Variants in MYOM2 observed in about 807,000 individuals in gnomAD.
MYOM2 encodes myomesin-2.
MYOM2 carries 254 observed loss-of-function variants against 187.6 expected under a neutral mutation model. The ratio of observed to expected loss-of-function variants is 1.35; its 90% confidence interval spans 1.22 to 1.50. The LOEUF is 1.50. MYOM2 is among the 40% of genes most tolerant of loss of function. The pLI, the probability that MYOM2 is intolerant of heterozygous loss-of-function variation, is 0.00. For synonymous variants in MYOM2, 981 were observed against 753.8 expected (o/e 1.30, Z -4.94); for missense variants, 2,796 against 1,924.0 (o/e 1.45, Z -8.48).
intron 32 of MYOM2, among the ~76,000 whole-genome samples, chr8:2,132,754 G>C (rs4363227): frequency 0.22 from 33,800 of 152,002 alleles, 3,908 homozygotes; most frequent in Middle Eastern, 0.27. Context: ...AGAAGTGCAT[G>C]CTTCAAACTC....
chr8:2,067,960 G>C (rs1028480086), intron 6 of MYOM2, among the ~76,000 whole-genome samples: 2 of 152,082 alleles, frequency 1.3e-5, no homozygotes, highest in Non-Finnish European at 2.9e-5. Flanking sequence ...CAGGGAGTTT[G>C]TCACTTAGAA....
Position 2,102,725 on chromosome 8 carries a change from A to G in MYOM2, c.2678A>G (p.Asn893Ser). ...TTCAGGGTCCGGGCAGTCAATGCAA[A>G]TGGCGTGGGGAAGCCCTCAGACACG... is the stretch of plus-strand genomic sequence containing the variant. ...YVFRVRAVNANGVGKPSDTSE... is the reference protein window; with the variant it reads ...YVFRVRAVNASGVGKPSDTSE... The change falls in exon 21 of 37, where the codon AAT becomes AGT. Residue 893 changes from asparagine to serine, a missense_variant. By Grantham distance (46) the Asn-to-Ser change is conservative. Coordinates refer to ENST00000262113, the MANE Select transcript of MYOM2 (RefSeq NM_003970.4). The G allele has an allele frequency of 1.9e-6, 3 of 1,614,120 alleles. No individual in the cohort carries two copies. The highest frequency in any genetic ancestry group is 2.2e-5 in the East Asian group (1 of 44,890).
chr8:2,102,760 G>A lies in MYOM2; in HGVS notation c.2713G>A (p.Val905Met). 1.9e-6 allele frequency: 3 copies of A among 1,613,746 alleles called. No homozygotes were observed. Among genetic ancestry groups the A allele is most frequent in the Non-Finnish European group, 2.5e-6 (3 of 1,179,624 alleles). ...GAAGCCCTCAGACACGTCGGAGCCT[G>A]TGCTGGTAGAGGCGAGACCAGGTAA... ...VGKPSDTSEP[V>M]LVEARPGTKE... The change falls in exon 21 of 37, where the codon GTG (valine) becomes ATG (methionine). Residue 905 changes from valine to methionine, a missense_variant. Physicochemically the swap from Val to Met is conservative, Grantham distance 21 (BLOSUM62 1). Transcript: ENST00000262113.
At chr8:2,100,737 A>G in intron 19 of MYOM2, 139 bp from the exon 20 acceptor site, 2 of 791,062 alleles carry the variant, frequency 2.5e-6, no homozygotes, top group Non-Finnish European at 4.1e-6. Context: ...GAGGCTGATA[A>G]ACATCAGATG....
At chr8:2,109,284 C>T (rs1303637526) in intron 24 of MYOM2, 111 bp from the exon 25 acceptor site, 9 of 1,264,212 alleles carry the variant, frequency 7.1e-6, no homozygotes, top group East Asian at 2.5e-5. Flanking sequence ...TCCAGGGTTT[C>T]ACATTCTCAA....
intron 32 of MYOM2, among the ~76,000 whole-genome samples, chr8:2,134,650 C>A (rs532142770): frequency 5.3e-5 from 8 of 152,264 alleles, no homozygotes; most frequent in African/African-American, 1.7e-4. Context: ...CCTCATTCAG[C>A]TGCTTGGCTG....
intron 31 of MYOM2, among the ~76,000 whole-genome samples, chr8:2,128,148 G>C (rs910019711): frequency 6.6e-6 from 1 of 152,094 alleles, no homozygotes; most frequent in Admixed American, 6.5e-5. Flanking sequence ...AGAAATTAAT[G>C]AGTTTCCATT....
Position 2,101,038 on chromosome 8 carries a change from C to G in MYOM2, c.2603C>G (p.Ala868Gly). The G allele has an allele frequency of 6.2e-7, 1 of 1,614,100 alleles. No homozygotes were observed. Residue 868 changes from alanine (A) to glycine (G), a missense_variant, in exon 20 of 37, where the codon GCC (alanine) becomes GGC (glycine). Physicochemically the swap from Ala to Gly is moderately conservative, Grantham distance 60. Transcript: ENST00000262113. ...EWITVNQTTT[A>G]SRYLKVSDLQ... ...ATCACTGTCAATCAGACGACAACAG[C>G]CAGCCGTTATTTAAAGGTAAGTCTT... is the stretch of plus-strand genomic sequence containing the variant.
At chr8:2,052,610 A>G (rs1818530137) in intron 3 of MYOM2, among the ~76,000 whole-genome samples, 1 of 152,222 alleles carries the variant, frequency 6.6e-6, no homozygotes, top group South Asian at 2.1e-4. Flanking sequence ...TGTCTCACGC[A>G]TGTCCCAGCT....
chr8:2,069,351 G>T lies in MYOM2; in HGVS notation c.727G>T (p.Ala243Ser). The T allele has an allele frequency of 6.2e-7, 1 of 1,614,018 alleles. No individual in the cohort carries two copies. ...CCACGGACAAGTGTCCACCAACGCG[G>T]CGGTGGTGGTGAGAAGTGAGTGCCG... ...NAHGQVSTNAAVVVRRFRGDE... is the reference protein window; with the variant it reads ...NAHGQVSTNASVVVRRFRGDE... Residue 243 changes from alanine to serine, a missense_variant, in exon 7 of 37, where the codon GCG becomes TCG. Physicochemically the swap from Ala to Ser is moderately conservative, Grantham distance 99 (BLOSUM62 1). Transcript: ENST00000262113.
intron 27 of MYOM2, among the ~76,000 whole-genome samples, chr8:2,117,279 C>A (rs1797281428): frequency 6.6e-6 from 1 of 152,076 alleles, no homozygotes; most frequent in South Asian, 2.1e-4. Flanking sequence ...ACATACTTTC[C>A]AAATCTGCTT....
chr8:2,045,734 C>T (rs184788361), intron 1 of MYOM2, among the ~76,000 whole-genome samples: 1 of 152,316 alleles, frequency 6.6e-6, no homozygotes, highest in South Asian at 2.1e-4. Context: ...CTTCTTTGTG[C>T]TGTTGGGTGT....
intron 32 of MYOM2, among the ~76,000 whole-genome samples, chr8:2,134,432 T>A (rs1347350433): frequency 6.6e-6 from 1 of 152,224 alleles, no homozygotes; most frequent in Non-Finnish European, 1.5e-5. Flanking sequence ...CTGCCCCGTC[T>A]CTTCCTGGGA....
intron 3 of MYOM2, among the ~76,000 whole-genome samples, chr8:2,054,433 C>T (rs751919642): frequency 4.6e-5 from 7 of 152,172 alleles, no homozygotes; most frequent in Non-Finnish European, 8.8e-5. Flanking sequence ...AGCCACCTGT[C>T]CCGGGGCTTG....
At chr8:2,053,981 T>C (rs1023943764) in intron 3 of MYOM2, among the ~76,000 whole-genome samples, 7 of 152,158 alleles carry the variant, frequency 4.6e-5, no homozygotes, top group African/African-American at 1.2e-4. Context: ...TTGAGATTTA[T>C]TGTGAAGCCT....
chr8:2,140,759 C>T lies in MYOM2; in HGVS notation c.3837C>T (p.Ile1279=), dbSNP rs34620424. The T allele has an allele frequency of 1.5e-3, 2,469 of 1,613,946 alleles. 41 individuals are homozygous for T. The African/African-American group carries it at 0.029, about 19-fold the overall frequency. The part of the protein sequence containing the change: ...AKISSSEHMR[I]GGSEEMAWLQ... ...TCTCATCCAGTGAGCATATGAGAATCGGGGGGAGTGAAGAGATGGCTTGGC... is the reference window on the plus strand; with the variant it reads ...TCTCATCCAGTGAGCATATGAGAATTGGGGGGAGTGAAGAGATGGCTTGGC... Residue 1279 remains isoleucine (I), a synonymous_variant, in exon 33 of 37, where the codon ATC becomes ATT. Coordinates refer to ENST00000262113, the MANE Select transcript of MYOM2 (RefSeq NM_003970.4).
chr8:2,073,680 C>A (rs899612362), intron 10 of MYOM2, among the ~76,000 whole-genome samples, 180 bp downstream of exon 10: 2 of 152,200 alleles, frequency 1.3e-5, no homozygotes, highest in Non-Finnish European at 2.9e-5. Context: ...GTGCTTCCTG[C>A]CGATGAGCAG....
At chr8:2,089,382 C>A (rs181090431) in intron 14 of MYOM2, among the ~76,000 whole-genome samples, 2 of 152,164 alleles carry the variant, frequency 1.3e-5, no homozygotes, top group Admixed American at 1.3e-4. Flanking sequence ...TATTTATAGT[C>A]TTTTTCTCCA....
chr8:2,100,045 C>G (rs796991109), intron 19 of MYOM2, among the ~76,000 whole-genome samples: 2 of 107,428 alleles, frequency 1.9e-5, no homozygotes, highest in African/African-American at 6.3e-5. Context: ...TCCTTCCTTC[C>G]TTCTTTCCTT....
Sources: gnomAD v4.1 joint callset for allele counts (sites outside exome capture counted in the v4.1 genomes callset) on GRCh38, gnomAD v4.1.1 for gene constraint, MANE v1.5 for transcripts, NCBI Gene and HGNC (gene_info 2026-07-23, HGNC 2026-07-21) for gene names.